SLCO5A1: variants seen among roughly 807,000 people sequenced by gnomAD.
The protein encoded by SLCO5A1 is solute carrier organic anion transporter family member 5A1, also known as organic anion transporter polypeptide-related protein 4.
In SLCO5A1, 39 loss-of-function variants were observed where a neutral mutation model predicts 65.1. The observed-to-expected ratio is 0.60, with a 90% CI of 0.46 to 0.78. The LOEUF (loss-of-function observed/expected upper bound fraction) is 0.78. Ranked by LOEUF, SLCO5A1 falls within the 30% of genes least tolerant of loss-of-function variation. SLCO5A1 has a pLI of 0.00. For missense variants in SLCO5A1, 1,029 were observed against 1,069.4 expected (o/e 0.96, Z 0.53); for synonymous variants, 438 against 415.7 (o/e 1.05, Z -0.65).
At chr8:69,825,268 G>A (rs1820824362) in intron 2 of SLCO5A1, among the ~76,000 whole-genome samples, 1 of 152,184 alleles carries the variant, frequency 6.6e-6, no homozygotes, top group African/African-American at 2.4e-5. Flanking sequence ...GTGTTGGGAA[G>A]TTCTGGCCAG....
intron 5 of SLCO5A1, among the ~76,000 whole-genome samples, chr8:69,726,110 C>A (rs565974725): frequency 1.3e-5 from 2 of 152,310 alleles, no homozygotes; most frequent in South Asian, 4.1e-4. Context: ...GCTTGGGAAA[C>A]AAATCCCAGA....
intron 6 of SLCO5A1, among the ~76,000 whole-genome samples, chr8:69,691,254 G>A (rs181154995): frequency 2.8e-4 from 43 of 152,188 alleles, no homozygotes; most frequent in African/African-American, 8.9e-4. Flanking sequence ...AGTTGGAAAT[G>A]GGCCAGGATT....
intron 2 of SLCO5A1, among the ~76,000 whole-genome samples, chr8:69,812,233 T>C (rs1820233906): frequency 6.6e-6 from 1 of 152,182 alleles, no homozygotes; most frequent in African/African-American, 2.4e-5. Context: ...AAATACAGTA[T>C]ATACGGTATA....
chr8:69,832,591 CACCTCTCTTGG>C lies in SLCO5A1; in HGVS notation c.72_82del (p.Gln25ArgfsTer8). On this transcript the variant is annotated frameshift_variant, in exon 2 of 10. Transcript: ENST00000260126. LOFTEE classifies it high-confidence loss of function. This position sits in a 1 kb window ranked among gnomAD's most constrained non-coding sequence, Gnocchi z 4.5. ...CTTAGACCTGAGGGTCTCCGGCTCGCACCTCTCTTGGACAGCTTCTGCAGTGGCCGGCGCCT... is the reference window on the plus strand; with the variant it reads ...CTTAGACCTGAGGGTCTCCGGCTCGCACAGCTTCTGCAGTGGCCGGCGCCT... 6.2e-7 allele frequency: 1 copy of C among 1,612,892 alleles called. No homozygotes were observed. Among genetic ancestry groups the C allele is most frequent in the South Asian group, 1.1e-5 (1 of 91,042 alleles).
At chr8:69,700,399 A>G (rs550830911) in intron 6 of SLCO5A1, 2 of 152,206 alleles carry the variant, frequency 1.3e-5, no homozygotes, top group Non-Finnish European at 2.9e-5. Context: ...GAGGAGGATC[A>G]TTCTTTGGTC....
chr8:69,806,883 CAG>C (rs1335292588), intron 2 of SLCO5A1, among the ~76,000 whole-genome samples: 1 of 152,182 alleles, frequency 6.6e-6, no homozygotes, highest in African/African-American at 2.4e-5. Context: ...AGTGGGAAAA[CAG>C]AAGTTAATTA....
At chr8:69,813,096 G>T (rs557063262) in intron 2 of SLCO5A1, among the ~76,000 whole-genome samples, 5 of 152,032 alleles carry the variant, frequency 3.3e-5, no homozygotes, top group Non-Finnish European at 7.4e-5. Flanking sequence ...TTGTTGGTCC[G>T]TCATTACACA....
At chr8:69,794,418 C>T (rs917784279) in intron 2 of SLCO5A1, 5 of 447,546 alleles carry the variant, frequency 1.1e-5, no homozygotes, top group South Asian at 7.4e-5. Flanking sequence ...GGTCCAAGGA[C>T]TAAGAAGGAC....
intron 6 of SLCO5A1, among the ~76,000 whole-genome samples, chr8:69,699,214 G>A (rs1310100354): frequency 6.6e-6 from 1 of 152,128 alleles, no homozygotes; most frequent in Non-Finnish European, 1.5e-5. Flanking sequence ...TGGAGAAAAT[G>A]CACCAAAGGC....
At chr8:69,730,707 C>G (rs1816301049) in intron 5 of SLCO5A1, among the ~76,000 whole-genome samples, 1 of 152,146 alleles carries the variant, frequency 6.6e-6, no homozygotes, top group Non-Finnish European at 1.5e-5. Flanking sequence ...TTTGTACCAG[C>G]TTGTCAGCAT....
intron 9 of SLCO5A1, among the ~76,000 whole-genome samples, chr8:69,676,075 T>C (rs1813535145): frequency 6.6e-6 from 1 of 152,210 alleles, no homozygotes; most frequent in South Asian, 2.1e-4. Context: ...GAGCTTCTCT[T>C]GTTGATAAGT....
intron 2 of SLCO5A1, among the ~76,000 whole-genome samples, chr8:69,776,932 C>G (rs1372247784): frequency 6.6e-6 from 1 of 152,158 alleles, no homozygotes; most frequent in East Asian, 1.9e-4. Flanking sequence ...GGATGTGATG[C>G]AAACTAGAAC....
In SLCO5A1 at chr8:69,712,766, G is replaced by A. The variant is rs190991681; in HGVS notation, c.1424-7537C>T. Among the ~76,000 whole-genome samples the A allele has an allele frequency of 7.9e-5, 12 of 152,090 alleles. No homozygotes were observed. The East Asian group carries it at 1.9e-3, about 24-fold the overall frequency. On this transcript the variant is annotated intron_variant, in intron 5 of 9. Transcript: ENST00000260126. ...TCCTATTTATTTAGCACTGACCAAC[G>A]CCTAGTGTGTGTTTGGATGAAAGAA...
rs546690240 is a variant in SLCO5A1 at position 69,701,940 on chromosome 8, G to A, written c.1622+3091C>T. ...AAGGATTTGACCACAATTTGTAAAG[G>A]TAAAGTGAAGCTCCTCATTTGCCAA... On this transcript the variant is annotated intron_variant, in intron 6 of 9. Coordinates refer to ENST00000260126, the MANE Select transcript of SLCO5A1 (RefSeq NM_030958.3). 2.4e-4 allele frequency among the ~76,000 whole-genome samples: 36 copies of A among 152,152 alleles called. 1 individual carries two copies. Among genetic ancestry groups the A allele is most frequent in the Middle Eastern group, 3.2e-3 (1 of 316 alleles).
In SLCO5A1 at chr8:69,729,947, A is replaced by C. The variant is rs112378858; in HGVS notation, c.1423+8093T>G. Among the ~76,000 whole-genome samples, 35 of 152,356 alleles carry C rather than the reference A, an allele frequency of 2.3e-4. 2 individuals carry two copies. Among genetic ancestry groups the C allele is most frequent in the African/African-American group, 7.2e-4 (30 of 41,592 alleles). On this transcript the variant is annotated intron_variant, in intron 5 of 9. Transcript: ENST00000260126. The stretch of plus-strand genomic sequence containing the variant: ...AATACAATTTGTTTTAAAATCAGAA[A>C]ACCTAACAAGATTTCCTAAAGGAAA...
intron 8 of SLCO5A1, 24 bp downstream of exon 8, chr8:69,679,354 C>A: frequency 6.2e-7 from 1 of 1,613,688 alleles, no homozygotes; most frequent in South Asian, 1.1e-5. Flanking sequence ...AGAACCCACC[C>A]CAGAAGTTGA....
At chr8:69,734,216 G>A (rs912183937) in intron 5 of SLCO5A1, among the ~76,000 whole-genome samples, 2 of 152,084 alleles carry the variant, frequency 1.3e-5, no homozygotes, top group African/African-American at 4.8e-5. Flanking sequence ...CTTGCCTTTG[G>A]AGCTCTATTT....
intron 2 of SLCO5A1, among the ~76,000 whole-genome samples, chr8:69,792,893 A>G (rs1253779242): frequency 6.6e-6 from 1 of 152,174 alleles, no homozygotes; most frequent in Non-Finnish European, 1.5e-5. Context: ...TGGAAAAAAA[A>G]TCATAGTAAA....
intron 6 of SLCO5A1, 141 bp from the exon 7 acceptor site, chr8:69,682,484 C>T: frequency 1.4e-6 from 1 of 706,976 alleles, no homozygotes; most frequent in Non-Finnish European, 2.0e-6. Context: ...AAGTAGTCAT[C>T]CTCAACAATT....
Sources: gnomAD v4.1 joint callset for allele counts (sites outside exome capture counted in the v4.1 genomes callset) on GRCh38, gnomAD v4.1.1 for gene constraint, Gnocchi (gnomAD v3.1) non-coding constraint, MANE v1.5 for transcripts, NCBI Gene and HGNC (gene_info 2026-07-23, HGNC 2026-07-21) for gene names.